TLR3: variants seen among roughly 807,000 people sequenced by gnomAD.
TLR3 encodes toll like receptor 3.
In TLR3, 43 loss-of-function variants were observed where a neutral mutation model predicts 66.4. The observed-to-expected ratio is 0.65, with a 90% CI of 0.51 to 0.83. The LOEUF is 0.83. TLR3 is among the 40% of genes least tolerant of loss of function. TLR3 has a pLI of 0.00. For synonymous variants in TLR3, 397 were observed against 397.2 expected (o/e 1.00, Z 0.01); for missense variants, 982 against 1,044.6 (o/e 0.94, Z 0.83).
Position 186,085,084 on chromosome 4 carries a change from CAT to C in TLR3, c.*215_*216del, listed in dbSNP as rs1410855060. 1.7e-6 allele frequency: 1 copy of C among 575,696 alleles called. No individual in the cohort carries two copies. Among genetic ancestry groups the C allele is most frequent in the Non-Finnish European group, 3.1e-6 (1 of 327,268 alleles). 35.7% of individuals were successfully genotyped at this position (575,696 alleles called of 1,614,324 possible). A position where few individuals can be genotyped will look rare whatever the true frequency, so the allele number is the denominator to read the frequency against. ...TGACTTAATTTTACCCAAAATAAAACATATAAGCACGTAAGAACATTGTCTAC... is the reference window on the plus strand; with the variant it reads ...TGACTTAATTTTACCCAAAATAAAACATAAGCACGTAAGAACATTGTCTAC... On this transcript the variant is annotated 3_prime_UTR_variant, in exon 5 of 5. Transcript: ENST00000296795.
Position 186,082,541 on chromosome 4 carries a change from C to G in TLR3, c.855C>G (p.Asn285Lys). The change falls in exon 4 of 5, where the codon AAC (asparagine) becomes AAG (lysine). Residue 285 changes from asparagine (N) to lysine (K), a missense_variant. Around this residue, in one of 3 missense-constraint regions of TLR3, gnomAD observed 313 missense variants for 319.0 expected, o/e 0.98. Coordinates refer to ENST00000296795, the MANE Select transcript of TLR3 (RefSeq NM_003265.3). Reference protein sequence around the residue: ...NLTMLDLSYNNLNVVGNDSFA... With the variant: ...NLTMLDLSYNKLNVVGNDSFA... Reference sequence around the variant, plus strand: ...CTATGCTCGATCTTTCCTACAACAACTTAAATGTGGTTGGTAACGATTCCT... The same window carrying G: ...CTATGCTCGATCTTTCCTACAACAAGTTAAATGTGGTTGGTAACGATTCCT... The G allele has an allele frequency of 1.2e-6, 2 of 1,614,196 alleles. No individual in the cohort carries two copies. Among genetic ancestry groups the G allele is most frequent in the Non-Finnish European group, 1.7e-6 (2 of 1,180,046 alleles).
chr4:186,074,702 TA>T (rs1225580474), intron 1 of TLR3, among the ~76,000 whole-genome samples: 1 of 152,264 alleles, frequency 6.6e-6, no homozygotes, highest in East Asian at 1.9e-4. Context: ...ACTCGTGTAA[TA>T]ATGCTTGGTT....
At chr4:186,080,461 C>T (rs1235852294) in intron 3 of TLR3, among the ~76,000 whole-genome samples, 1 of 151,904 alleles carries the variant, frequency 6.6e-6, no homozygotes, top group Admixed American at 6.6e-5. Flanking sequence ...TAAGGAAAAA[C>T]GATAGCTTAA....
rs895536762 is a variant in TLR3 at position 186,085,751 on chromosome 4, G to A, written c.*878G>A. 4.6e-5 allele frequency: 7 copies of A among 152,314 alleles called. No homozygotes were observed. The highest frequency in any genetic ancestry group is 4.1e-4 in the South Asian group (2 of 4,830). The allele number at this position is 152,314 out of a possible 1,614,324, so 9.4% of individuals were successfully genotyped here. ...TCCTATGTAATTAGTGATGATGATCGCTGTATAATATATTCAAAGGAATGT... is the reference window on the plus strand; with the variant it reads ...TCCTATGTAATTAGTGATGATGATCACTGTATAATATATTCAAAGGAATGT... On this transcript the variant is annotated 3_prime_UTR_variant, in exon 5 of 5. Transcript: ENST00000296795.
intron 3 of TLR3, 42 bp downstream of exon 3, chr4:186,079,073 G>C: frequency 2.6e-6 from 4 of 1,527,512 alleles, no homozygotes; most frequent in Non-Finnish European, 3.6e-6. Context: ...TGCCTTTAAG[G>C]TGGATAGTCC....
At chr4:186,084,529 G>GAAAA in intron 4 of TLR3, 116 bp from the exon 5 acceptor site, 2 of 665,268 alleles carry the variant, frequency 3.0e-6, no homozygotes, top group Non-Finnish European at 4.9e-6. Flanking sequence ...ATAAAATTAA[G>GAAAA]AAAAAAAAAA....
intron 1 of TLR3, among the ~76,000 whole-genome samples, chr4:186,075,178 A>T (rs1258299338): frequency 6.6e-6 from 1 of 152,260 alleles, no homozygotes; most frequent in Non-Finnish European, 1.5e-5. Flanking sequence ...TTATATAACT[A>T]GTAGTGCAGT....
At chr4:186,076,353 A>AC (rs1435509880) in intron 1 of TLR3, among the ~76,000 whole-genome samples, 2 of 152,194 alleles carry the variant, frequency 1.3e-5, no homozygotes, top group African/African-American at 4.8e-5. Flanking sequence ...CAAAAGAGAG[A>AC]CATTGCAGCT....
intron 1 of TLR3, among the ~76,000 whole-genome samples, chr4:186,069,553 G>C (rs997002723): frequency 5.3e-5 from 8 of 152,182 alleles, no homozygotes; most frequent in African/African-American, 1.9e-4. Flanking sequence ...CATTAGGGAA[G>C]CTATGGAAAT....
In TLR3 at chr4:186,076,736, C is replaced by A. The variant is rs1168473085; in HGVS notation, c.117C>A (p.His39Gln). The A allele has an allele frequency of 6.2e-7, 1 of 1,614,044 alleles. No homozygotes were observed. Among genetic ancestry groups the A allele is most frequent in the Admixed American group, 1.7e-5 (1 of 60,008 alleles). The stretch of plus-strand genomic sequence containing the variant: ...GCCATGAAGTTGCTGACTGCAGCCA[C>A]CTGAAGTTGACTCAGGTACCCGATG... ...TVSHEVADCS[H>Q]LKLTQVPDDL... The change falls in exon 2 of 5, where the codon CAC becomes CAA. Residue 39 changes from histidine to glutamine, a missense_variant. Physicochemically the swap from His to Gln is conservative, Grantham distance 24. Transcript: ENST00000296795.
chr4:186,081,891 C>A, intron 3 of TLR3: 1 of 179,130 alleles, frequency 5.6e-6, no homozygotes, highest in Non-Finnish European at 1.2e-5. Flanking sequence ...GAGAAATGCT[C>A]TGCCCATGGG....
Position 186,086,367 on chromosome 4 carries a change from A to C in TLR3, c.*1494A>C, listed in dbSNP as rs1217996246. ...GAATTCAGGGAGCATTTGAGATGTCACATTTTGGAACTTTGATTTAAATAG... is the reference window on the plus strand; with the variant it reads ...GAATTCAGGGAGCATTTGAGATGTCCCATTTTGGAACTTTGATTTAAATAG... On this transcript the variant is annotated 3_prime_UTR_variant, in exon 5 of 5. Coordinates refer to ENST00000296795, the MANE Select transcript of TLR3 (RefSeq NM_003265.3). 1 of 152,230 alleles carries C rather than the reference A, an allele frequency of 6.6e-6. No homozygotes were observed. The highest frequency in any genetic ancestry group is 2.4e-5 in the African/African-American group (1 of 41,464). The allele number at this position is 152,230 out of a possible 1,614,324, so 9.4% of individuals were successfully genotyped here.
At chr4:186,077,164 A>T in intron 2 of TLR3, 104 bp downstream of exon 2, 1 of 1,239,432 alleles carries the variant, frequency 8.1e-7, no homozygotes, top group Admixed American at 2.4e-5. Flanking sequence ...AATTTGATCT[A>T]ATCCAATTTG....
chr4:186,076,599 T>C lies in TLR3; in HGVS notation c.-7-14T>C. On this transcript the variant is annotated splice_polypyrimidine_tract_variant and intron_variant, in intron 1 of 4. Transcript: ENST00000296795. ...TTAATGTTGCTCATACTTTTTAATG[T>C]TTCTTTTCTACAGCAGAATCATGAG... 1 of 1,613,386 alleles carries C rather than the reference T, an allele frequency of 6.2e-7. No homozygotes were observed. Among genetic ancestry groups the C allele is most frequent in the Non-Finnish European group, 8.5e-7 (1 of 1,179,328 alleles).
At chr4:186,079,151 C>A in intron 3 of TLR3, 120 bp downstream of exon 3, 1 of 953,184 alleles carries the variant, frequency 1.0e-6, no homozygotes, top group Non-Finnish European at 1.6e-6. Flanking sequence ...CAATCCTTCC[C>A]ACCTACTGCT....
chr4:186,079,801 C>T (rs768762055), intron 3 of TLR3, among the ~76,000 whole-genome samples: 1 of 152,124 alleles, frequency 6.6e-6, no homozygotes, highest in Non-Finnish European at 1.5e-5. Flanking sequence ...AACTACATTG[C>T]GAGAAGGCAA....
intron 3 of TLR3, among the ~76,000 whole-genome samples, chr4:186,081,107 T>C (rs2099303358): frequency 6.6e-6 from 1 of 151,968 alleles, no homozygotes; most frequent in Admixed American, 6.6e-5. Context: ...GTATGGGAGA[T>C]GTTCATAATA....
chr4:186,083,114 T>G lies in TLR3; in HGVS notation c.1428T>G (p.Phe476Leu), dbSNP rs1392465162. The G allele has an allele frequency of 6.2e-7, 1 of 1,614,214 alleles. No individual in the cohort carries two copies. Among genetic ancestry groups the G allele is most frequent in the Admixed American group, 1.7e-5 (1 of 60,022 alleles). ...NKYLQLTRNS[F>L]ALVPSLQRLM... Reference sequence around the variant, plus strand: ...ACCTGCAGCTGACTAGGAACTCCTTTGCCTTGGTCCCAAGCCTTCAACGAC... The same window carrying G: ...ACCTGCAGCTGACTAGGAACTCCTTGGCCTTGGTCCCAAGCCTTCAACGAC... The change falls in exon 4 of 5, where the codon TTT (phenylalanine) becomes TTG (leucine). Residue 476 changes from phenylalanine to leucine, a missense_variant. Phe to Leu is a conservative substitution (Grantham distance 22). This residue lies in a region of TLR3 where 666 missense variants were observed against 709.0 expected (regional missense o/e 0.94). Transcript: ENST00000296795. This position sits in a 1 kb window ranked among gnomAD's most constrained non-coding sequence, Gnocchi z 4.0.
rs1445167148 is a variant in TLR3 at position 186,084,223 on chromosome 4, TTC to T, written c.2486+53_2486+54del. 5 of 1,544,818 alleles carry T rather than the reference TTC, an allele frequency of 3.2e-6. No individual in the cohort carries two copies. The African/African-American group carries it at 5.6e-5, about 17-fold the overall frequency. ...GTGTGTACTTGCTTTTCAATTAAAT[TTC>T]TTTTTTTTTTTTTGAGATGGAGTCC... On this transcript the variant is annotated intron_variant, in intron 4 of 4. Transcript: ENST00000296795.
Sources: allele counts gnomAD v4.1 joint callset (sites outside exome capture counted in the v4.1 genomes callset), GRCh38; gene constraint gnomAD v4.1.1; regional missense constraint gnomAD v4.1.1; non-coding constraint Gnocchi (gnomAD v3.1); transcripts MANE v1.5; gene names NCBI Gene and HGNC (gene_info 2026-07-23, HGNC 2026-07-21).